Variants in PDCD6 observed in about 807,000 individuals in gnomAD.
The protein encoded by PDCD6 is programmed cell death protein 6.
A neutral mutation model predicts 28.3 loss-of-function variants in PDCD6; 12 were observed. The observed-to-expected ratio is 0.42, with a 90% CI of 0.27 to 0.69. The LOEUF (loss-of-function observed/expected upper bound fraction) is 0.69, where lower values mean the gene tolerates loss of function less well. Among genes scored for constraint, PDCD6 ranks in the 30% least tolerant of loss-of-function variants. The pLI is 0.22. For synonymous variants in PDCD6, 92 were observed against 108.0 expected, an observed-to-expected ratio of 0.85 and a Z score of 0.92; for missense variants, 226 against 269.9, an observed-to-expected ratio of 0.84 and a Z score of 1.14.
chr5:299,803 C>T (rs956972204), intron 2 of PDCD6, among the ~76,000 whole-genome samples: 105 of 152,286 alleles, frequency 6.9e-4, no homozygotes, highest in African/African-American at 8.9e-4. Context: ...CCCGCCTTGG[C>T]CTCCCAAAGT....
At position 314,512 on chromosome 5, in the gene PDCD6, A is replaced by G; in HGVS notation, c.573A>G (p.Val191=). 1 of 1,609,602 alleles carries G rather than the reference A, an allele frequency of 6.2e-7. No homozygotes were observed. Residue 191 remains valine (V), a synonymous_variant, in exon 6 of 6, where the codon GTA becomes GTG. Transcript: ENST00000264933. ...ACCTGTCCATGGTCTTCAGTATCGT[A>G]TGACCCTGGCCTCTCGTGAAGAGCA... ...EQYLSMVFSI[V]
In PDCD6 at chr5:288,637, G is replaced by A. The variant is rs1345497855; in HGVS notation, c.164-15540G>A. On this transcript the variant is annotated intron_variant, in intron 2 of 5. Coordinates refer to ENST00000264933, the MANE Select transcript of PDCD6 (RefSeq NM_013232.4). Reference sequence around the variant, plus strand: ...GAAAGAAAGAAAGATCAGCGGTAAGGTAAACAGGACCCAGAGGAGCTGATA... The same window carrying A: ...GAAAGAAAGAAAGATCAGCGGTAAGATAAACAGGACCCAGAGGAGCTGATA... Among the ~76,000 whole-genome samples, 6 of 151,794 alleles carry A rather than the reference G, an allele frequency of 4.0e-5. No homozygotes were observed. In the East Asian group the frequency reaches 1.2e-3, roughly 29 times the overall value.
intron 2 of PDCD6, chr5:288,843 A>G (rs1051524847): frequency 6.8e-6 from 10 of 1,463,378 alleles, no homozygotes; most frequent in African/African-American, 5.7e-5. Context: ...GTCTTGTTCC[A>G]TTGGTTCATC....
At chr5:275,474 G>A (rs1561028861) in intron 2 of PDCD6, among the ~76,000 whole-genome samples, 1 of 152,242 alleles carries the variant, frequency 6.6e-6, no homozygotes, top group African/African-American at 2.4e-5. Context: ...ACGTTTACCT[G>A]ATGACATTTT....
chr5:300,335 C>T (rs2126746993), intron 2 of PDCD6, among the ~76,000 whole-genome samples: 1 of 152,370 alleles, frequency 6.6e-6, no homozygotes, highest in Admixed American at 6.5e-5. Flanking sequence ...GCTGTCCCAG[C>T]TTCTTGCTGG....
intron 2 of PDCD6, among the ~76,000 whole-genome samples, chr5:285,826 G>A (rs1474854479): frequency 1.3e-5 from 2 of 152,012 alleles, no homozygotes; most frequent in African/African-American, 2.4e-5. Flanking sequence ...CAGTTTGAGG[G>A]CCCAGAAGCT....
At chr5:288,952 G>A (rs553674300) in intron 2 of PDCD6, 44 of 1,511,896 alleles carry the variant, frequency 2.9e-5, no homozygotes, top group Middle Eastern at 1.7e-4. Flanking sequence ...TCTGTTTCAC[G>A]GCAGTCAGAA....
intron 2 of PDCD6, among the ~76,000 whole-genome samples, chr5:292,936 C>T (rs918258483): frequency 2.7e-4 from 41 of 152,376 alleles, no homozygotes; most frequent in African/African-American, 9.4e-4. Context: ...GGCGTGGCCA[C>T]TGACACATCC....
intron 4 of PDCD6, 59 bp from the exon 5 acceptor site, chr5:311,234 G>A: frequency 1.5e-6 from 2 of 1,311,212 alleles, no homozygotes; most frequent in South Asian, 1.2e-5. Flanking sequence ...AGGGGTGAGT[G>A]TTGGCACATA....
intron 5 of PDCD6, 39 bp downstream of exon 5, chr5:311,441 G>A (rs1218042137): frequency 1.4e-6 from 2 of 1,411,514 alleles, no homozygotes; most frequent in Middle Eastern, 1.8e-4. Context: ...GGTGGTGGTG[G>A]GAGGGGCTTG....
chr5:292,252 T>G (rs531830428), intron 2 of PDCD6, among the ~76,000 whole-genome samples: 1 of 152,294 alleles, frequency 6.6e-6, no homozygotes, highest in South Asian at 2.1e-4. Context: ...CACTTTTCTT[T>G]TATTATTCCT....
At chr5:285,481 A>G (rs1738891828) in intron 2 of PDCD6, among the ~76,000 whole-genome samples, 1 of 150,728 alleles carries the variant, frequency 6.6e-6, no homozygotes, top group African/African-American at 2.4e-5. Context: ...CGGGGAGCTC[A>G]TATTCCAGTT....
In PDCD6 at chr5:271,743, C is replaced by A; in HGVS notation, c.23C>A (p.Pro8His). MAAYSYR[P>H]GPGAGPGPAA... is the part of the protein sequence containing the mutation. ...CCCATGGCCGCCTACTCTTACCGCCCCGGCCCTGGGGCCGGCCCTGGGCCT... is the reference window on the plus strand; with the variant it reads ...CCCATGGCCGCCTACTCTTACCGCCACGGCCCTGGGGCCGGCCCTGGGCCT... The change falls in exon 1 of 6, where the codon CCC (proline) becomes CAC (histidine). Residue 8 changes from proline (P) to histidine (H), a missense_variant. Pro to His is a moderately conservative substitution (Grantham distance 77, BLOSUM62 -2). This residue lies in a region of PDCD6 where 72 missense variants were observed against 71.4 expected (regional missense o/e 1.01). Transcript: ENST00000264933. 1.7e-6 allele frequency: 2 copies of A among 1,180,730 alleles called. No homozygotes were observed. Among genetic ancestry groups the A allele is most frequent in the South Asian group, 1.4e-5 (1 of 70,570 alleles). 73.1% of individuals were successfully genotyped at this position (1,180,730 alleles called of 1,614,324 possible).
intron 2 of PDCD6, among the ~76,000 whole-genome samples, chr5:284,571 G>A (rs1738803766): frequency 6.6e-6 from 1 of 152,220 alleles, no homozygotes. Flanking sequence ...CCAGCGGGAA[G>A]CTGATGTTCC....
At chr5:309,634 C>T (rs1740770662) in intron 4 of PDCD6, 1 of 181,976 alleles carries the variant, frequency 5.5e-6, no homozygotes, top group Non-Finnish European at 1.0e-5. Context: ...TCCCCGTGCA[C>T]ACCAGTGAGG....
Position 314,524 on chromosome 5 carries a change from T to C in PDCD6, c.*9T>C, listed in dbSNP as rs1318089901. 1.3e-6 allele frequency: 2 copies of C among 1,593,052 alleles called. No homozygotes were observed. The highest frequency in any genetic ancestry group is 1.7e-6 in the Non-Finnish European group (2 of 1,161,070). On this transcript the variant is annotated 3_prime_UTR_variant, in exon 6 of 6. Transcript: ENST00000264933. ...TCTTCAGTATCGTATGACCCTGGCC[T>C]CTCGTGAAGAGCAGCACAACATGGA...
Position 311,400 on chromosome 5 carries a change from C to T in PDCD6, c.475C>T (p.Gln159Ter), listed in dbSNP as rs1156261478. The change falls in exon 5 of 6, where the codon CAG becomes TAG. Residue 159 changes from glutamine (Q) to a stop codon, truncating the protein, a stop_gained and splice_region_variant. Coordinates refer to ENST00000264933, the MANE Select transcript of PDCD6 (RefSeq NM_013232.4). LOFTEE classifies it high-confidence loss of function. ...DDFIQGCIVL[Q>*]RLTDIFRRYD... ...CTTCATCCAGGGCTGCATCGTCCTG[C>T]AGGTGACGGAATGGCTTCACGTGGG... is the stretch of plus-strand genomic sequence containing the variant. The T allele has an allele frequency of 6.2e-7, 1 of 1,607,878 alleles. No homozygotes were observed. Among genetic ancestry groups the T allele is most frequent in the Non-Finnish European group, 8.5e-7 (1 of 1,174,442 alleles).
chr5:286,831 G>A (rs900688965), intron 2 of PDCD6, among the ~76,000 whole-genome samples: 12 of 152,206 alleles, frequency 7.9e-5, no homozygotes, highest in Non-Finnish European at 1.5e-4. Context: ...CAAATATGAG[G>A]GTCCCGGAGC....
chr5:288,214 T>C (rs1739094300), intron 2 of PDCD6, among the ~76,000 whole-genome samples: 1 of 150,260 alleles, frequency 6.7e-6, no homozygotes. Context: ...TCACTACCAA[T>C]AGAAAAAGTA....
Sources: allele counts gnomAD v4.1 joint callset (sites outside exome capture counted in the v4.1 genomes callset), GRCh38; gene constraint gnomAD v4.1.1; regional missense constraint gnomAD v4.1.1; transcripts MANE v1.5; gene names NCBI Gene and HGNC (gene_info 2026-07-23, HGNC 2026-07-21).